Variants in NR0B1 observed in about 807,000 individuals in gnomAD.
NR0B1 encodes DSS-AHC critical region on the X chromosome protein 1.
A neutral mutation model predicts 23.0 loss-of-function variants in NR0B1; 3 were observed. The ratio of observed to expected loss-of-function variants is 0.13; its 90% CI spans 0.06 to 0.34. The LOEUF (loss-of-function observed/expected upper bound fraction) is 0.34. Ranked by LOEUF, NR0B1 falls within the 10% of genes least tolerant of loss-of-function variation. The pLI is 1.00. For synonymous variants in NR0B1, 205 were observed against 184.0 expected (o/e 1.11, Z -0.92); for missense variants, 350 against 402.9 (o/e 0.87, Z 1.12).
chrX:30,304,886 TA>T, intron 1 of NR0B1, 63 bp from the exon 2 acceptor site: 1 of 1,161,533 alleles, frequency 8.6e-7, no homozygotes, highest in Admixed American at 2.3e-5. Flanking sequence ...GCTAGCTTTT[TA>T]AAAATAGCCA....
At position 30,308,200 on chromosome X, in the gene NR0B1, G is replaced by A. The variant is rs1334705963; in HGVS notation, c.1164C>T (p.Asn388=). 1.7e-6 allele frequency: 2 copies of A among 1,207,723 alleles called. No homozygotes were observed. Among genetic ancestry groups the A allele is most frequent in the Admixed American group, 4.3e-5 (2 of 46,102 alleles). Residue 388 remains asparagine, a synonymous_variant, in exon 1 of 2, where the codon AAC becomes AAT. Transcript: ENST00000378970. ...GCCTAAGGCCAGTACCCTTACCCGG[G>A]TTAAAGAGCACGGTCCCCTTGAGGT... ...YAYLKGTVLF[N]PDVPGLQCVK...
intron 1 of NR0B1, among the ~76,000 whole-genome samples, chrX:30,307,022 C>T (rs1601791921): frequency 1.8e-5 from 2 of 111,452 alleles, no homozygotes; most frequent in East Asian, 2.8e-4. Flanking sequence ...CGTCATGAAA[C>T]GTGAGGTTTG....
In NR0B1 at chrX:30,308,620, G is replaced by C. The variant is rs1263620093; in HGVS notation, c.744C>G (p.Leu248=). The C allele has an allele frequency of 2.7e-5, 32 of 1,207,285 alleles. No individual in the cohort carries two copies. The highest frequency in any genetic ancestry group is 3.6e-5 in the Non-Finnish European group (32 of 893,985). Residue 248 remains leucine (L), a synonymous_variant, in exon 1 of 2, where the codon CTC becomes CTG. Coordinates refer to ENST00000378970, the MANE Select transcript of NR0B1 (RefSeq NM_000475.5). ...TSSGALRPVA[L]KSPQVVCEAA... The stretch of plus-strand genomic sequence containing the variant: ...CCTCGCAGACCACCTGTGGACTCTT[G>C]AGCGCCACCGGCCGCAGCGCACCAG...
At chrX:30,307,592 T>C (rs1052003505) in intron 1 of NR0B1, among the ~76,000 whole-genome samples, 1 of 111,666 alleles carries the variant, frequency 9.0e-6, no homozygotes, top group Non-Finnish European at 1.9e-5. Context: ...CCTGATATTA[T>C]TCACAGAGAT....
intron 1 of NR0B1, among the ~76,000 whole-genome samples, chrX:30,305,293 T>C (rs1003762245): frequency 8.9e-6 from 1 of 112,479 alleles, no homozygotes; most frequent in African/African-American, 3.2e-5. Context: ...CAGCCAATGG[T>C]GGTAAACTTC....
Position 30,308,537 on chromosome X carries a change from T to A in NR0B1, c.827A>T (p.Gln276Leu). ...CAGCTGCTGGTCCAGGGGCAGCACC[T>A]GGAAGCAGGGCAAGTACTTGACGAA... is the stretch of plus-strand genomic sequence containing the variant. ...LRFVKYLPCF[Q>L]VLPLDQQLVL... The change falls in exon 1 of 2, where the codon CAG (glutamine) becomes CTG (leucine). Residue 276 changes from glutamine (Q) to leucine (L), a missense_variant. Coordinates refer to ENST00000378970, the MANE Select transcript of NR0B1 (RefSeq NM_000475.5). 8.3e-7 allele frequency: 1 copy of A among 1,205,639 alleles called. No individual in the cohort carries two copies.
chrX:30,308,814 T>C lies in NR0B1; in HGVS notation c.550A>G (p.Lys184Glu). ...GCCCGCCCGCCTGGTAGCGCCTCTT[T>C]ACCCCCTGGCCTCTGCGCGAAGTAG... Reference protein sequence around the residue: ...RSYFAQRPGGKEALPGGRATA... With the variant: ...RSYFAQRPGGEEALPGGRATA... Residue 184 changes from lysine to glutamate, a missense_variant, in exon 1 of 2, where the codon AAA becomes GAA. Transcript: ENST00000378970. 1 of 1,201,640 alleles carries C rather than the reference T, an allele frequency of 8.3e-7. No homozygotes were observed. Among genetic ancestry groups the C allele is most frequent in the Non-Finnish European group, 1.1e-6 (1 of 891,318 alleles).
At position 30,307,663 on chromosome X, in the gene NR0B1, C is replaced by A. The variant is rs73631689; in HGVS notation, c.1168+533G>T. On this transcript the variant is annotated intron_variant, in intron 1 of 1. Coordinates refer to ENST00000378970, the MANE Select transcript of NR0B1 (RefSeq NM_000475.5). ...ACAAATAACCATTCAGAGGCAGGCC[C>A]ATGAAACACTACATCTAGTGTCTTG... Among the ~76,000 whole-genome samples the A allele has an allele frequency of 9.7e-3, 1,085 of 111,399 alleles. 8 individuals are homozygous for A. The highest frequency in any genetic ancestry group is 0.028 in the Middle Eastern group (6 of 215).
At position 30,309,077 on chromosome X, in the gene NR0B1, G is replaced by T. The variant is rs1284204019; in HGVS notation, c.287C>A (p.Ala96Glu). 8.3e-7 allele frequency: 1 copy of T among 1,203,948 alleles called. No homozygotes were observed. The highest frequency in any genetic ancestry group is 1.8e-5 in the South Asian group (1 of 56,306). The change falls in exon 1 of 2, where the codon GCG becomes GAG. Residue 96 changes from alanine (A) to glutamate (E), a missense_variant. Physicochemically the swap from Ala to Glu is moderately radical, Grantham distance 107 (BLOSUM62 -1). Transcript: ENST00000378970. ...GCACGGACCCAGCGTCGCCTCGGGC[G>T]CCTTCGGTGCCGCGTACGTTTGCTT... ...SAKQTYAAPK[A>E]PEATLGPCWG...
At position 30,306,270 on chromosome X, in the gene NR0B1, C is replaced by G. The variant is rs371443289; in HGVS notation, c.1169-1447G>C. On this transcript the variant is annotated intron_variant, in intron 1 of 1. Coordinates refer to ENST00000378970, the MANE Select transcript of NR0B1 (RefSeq NM_000475.5). The stretch of plus-strand genomic sequence containing the variant: ...TGTTCACAATATACCCCTCCACCTT[C>G]TCCCCACCCAAGTGGTTCCCCCCCA... Among the ~76,000 whole-genome samples, 10 of 111,617 alleles carry G rather than the reference C, an allele frequency of 9.0e-5. No individual in the cohort carries two copies. The East Asian group carries it at 1.7e-3, about 19-fold the overall frequency.
chrX:30,308,542 G>A lies in NR0B1; in HGVS notation c.822C>T (p.Cys274=). The A allele has an allele frequency of 2.5e-6, 3 of 1,206,082 alleles. No homozygotes were observed. Among genetic ancestry groups the A allele is most frequent in the Non-Finnish European group, 2.2e-6 (2 of 893,151 alleles). ...GCTGGTCCAGGGGCAGCACCTGGAA[G>A]CAGGGCAAGTACTTGACGAAGCGCA... ...KTLRFVKYLP[C]FQVLPLDQQL... Residue 274 remains cysteine (C), a synonymous_variant, in exon 1 of 2, where the codon TGC becomes TGT. Transcript: ENST00000378970.
Position 30,309,022 on chromosome X carries a change from C to T in NR0B1, c.342G>A (p.Gly114=). The T allele has an allele frequency of 8.3e-7, 1 of 1,209,268 alleles. No individual in the cohort carries two copies. Among genetic ancestry groups the T allele is most frequent in the Non-Finnish European group, 1.1e-6 (1 of 895,042 alleles). The change falls in exon 1 of 2, where the codon GGG becomes GGA. Residue 114 remains glycine (G), a synonymous_variant. Coordinates refer to ENST00000378970, the MANE Select transcript of NR0B1 (RefSeq NM_000475.5). ...CACCCGGAAGCCCCGCTCTGCCCAC[C>T]CCGGGATCAGAGCCGCACGAACAGC... is the stretch of plus-strand genomic sequence containing the variant. ...CWGCSCGSDP[G]VGRAGLPGGR... is the part of the protein sequence containing the mutation.
Position 30,308,755 on chromosome X carries a change from A to G in NR0B1, c.609T>C (p.Gly203=). 1.2e-5 allele frequency: 14 copies of G among 1,196,999 alleles called. No homozygotes were observed. The highest frequency in any genetic ancestry group is 1.5e-5 in the Non-Finnish European group (13 of 888,534). ...TALLYRCCFC[G]EDHPQQGSTL... is the part of the protein sequence containing the mutation. ...TGCTGCCCTGCTGCGGGTGGTCTTC[A>G]CCGCAAAAGCAGCAGCGGTACAGAA... The change falls in exon 1 of 2, where the codon GGT becomes GGC. Residue 203 remains glycine (G), a synonymous_variant. Transcript: ENST00000378970.
At chrX:30,307,843 CTTT>C (rs1204178251) in intron 1 of NR0B1, among the ~76,000 whole-genome samples, 2 of 112,294 alleles carry the variant, frequency 1.8e-5, no homozygotes, top group Non-Finnish European at 3.8e-5. Flanking sequence ...TGAGCAAAAA[CTTT>C]TTTTAGAAAA....
At position 30,309,051 on chromosome X, in the gene NR0B1, A is replaced by T; in HGVS notation, c.313T>A (p.Trp105Arg). 1 of 1,208,453 alleles carries T rather than the reference A, an allele frequency of 8.3e-7. No homozygotes were observed. Among genetic ancestry groups the T allele is most frequent in the Non-Finnish European group, 1.1e-6 (1 of 894,884 alleles). Residue 105 changes from tryptophan to arginine, a missense_variant, in exon 1 of 2, where the codon TGG becomes AGG. Around this residue, in one of 2 missense-constraint regions of NR0B1, gnomAD observed 298 missense variants for 314.0 expected, o/e 0.95. Transcript: ENST00000378970. ...GGATCAGAGCCGCACGAACAGCCCC[A>T]GCACGGACCCAGCGTCGCCTCGGGC... The part of the protein sequence containing the change: ...KAPEATLGPC[W>R]GCSCGSDPGV...
In NR0B1 at chrX:30,308,879, G is replaced by A. The variant is rs1926587889; in HGVS notation, c.485C>T (p.Ala162Val). The A allele has an allele frequency of 7.7e-6, 9 of 1,173,815 alleles. No individual in the cohort carries two copies. In the East Asian group the frequency reaches 3.0e-4, roughly 39 times the overall value. Residue 162 changes from alanine to valine, a missense_variant, in exon 1 of 2, where the codon GCG becomes GTG. Physicochemically the swap from Ala to Val is moderately conservative, Grantham distance 64. Coordinates refer to ENST00000378970, the MANE Select transcript of NR0B1 (RefSeq NM_000475.5). ...CGCGCCCCCTGGCCGTGCCTCGGGC[G>A]CTGCCGGAGCCACGTGCGTTTGCTT... ...SSKQTHVAPAAPEARPGGAWW... is the reference protein window; with the variant it reads ...SSKQTHVAPAVPEARPGGAWW...
In NR0B1 at chrX:30,304,320, A is replaced by G. The variant is rs1926480564; in HGVS notation, c.*259T>C. Reference sequence around the variant, plus strand: ...GCTACACTTGTGAAAATAGCTTATTATACTAGTACCCTGCTATTTTTTTTT... The same window carrying G: ...GCTACACTTGTGAAAATAGCTTATTGTACTAGTACCCTGCTATTTTTTTTT... On this transcript the variant is annotated 3_prime_UTR_variant, in exon 2 of 2. Transcript: ENST00000378970. 5 of 305,094 alleles carry G rather than the reference A, an allele frequency of 1.6e-5. No individual in the cohort carries two copies. Among genetic ancestry groups the G allele is most frequent in the Non-Finnish European group, 2.9e-5 (5 of 173,235 alleles). 25.1% of individuals were successfully genotyped at this position (305,094 alleles called of 1,213,427 possible). A position where few individuals can be genotyped will look rare whatever the true frequency, so the allele number is the denominator to read the frequency against.
rs752705837 is a variant in NR0B1 at position 30,308,370 on chromosome X, C to T, written c.994G>A (p.Glu332Lys). Reference sequence around the variant, plus strand: ...TGCAGCGTGGGCACGGGCAGTGGCTCGTTGCCCCCGGTCTCCCGCCGCCTG... The same window carrying T: ...TGCAGCGTGGGCACGGGCAGTGGCTTGTTGCCCCCGGTCTCCCGCCGCCTG... ...TTRRRETGGN[E>K]PLPVPTLQHH... Residue 332 changes from glutamate to lysine, a missense_variant, in exon 1 of 2, where the codon GAG (glutamate) becomes AAG (lysine). Glu to Lys is a moderately conservative substitution (Grantham distance 56). This residue lies in a region of NR0B1 where 298 missense variants were observed against 314.0 expected (regional missense o/e 0.95). Coordinates refer to ENST00000378970, the MANE Select transcript of NR0B1 (RefSeq NM_000475.5). The T allele has an allele frequency of 8.3e-7, 1 of 1,210,235 alleles. No homozygotes were observed. The highest frequency in any genetic ancestry group is 3.0e-5 in the East Asian group (1 of 33,752).
At chrX:30,306,258 C>T (rs1028947239) in intron 1 of NR0B1, among the ~76,000 whole-genome samples, 1 of 111,240 alleles carries the variant, frequency 9.0e-6, no homozygotes, top group Non-Finnish European at 1.9e-5. Context: ...TCACAATATA[C>T]CCCTCCACCT....
Sources: gnomAD v4.1 joint callset for allele counts (sites outside exome capture counted in the v4.1 genomes callset) on GRCh38, gnomAD v4.1.1 for gene constraint, gnomAD v4.1.1 regional missense constraint, MANE v1.5 for transcripts, NCBI Gene and HGNC (gene_info 2026-07-23, HGNC 2026-07-21) for gene names.